The following DLGAP2 variants were observed in gnomAD, a reference collection of about 807,000 sequenced individuals.
The protein encoded by DLGAP2 is disks large-associated protein 2.
A neutral mutation model predicts 100.3 loss-of-function variants in DLGAP2; 26 were observed. The observed-to-expected ratio is 0.26, with a 90% CI of 0.19 to 0.36. The LOEUF (loss-of-function observed/expected upper bound fraction) is 0.36. Among genes scored for constraint, DLGAP2 ranks in the 10% least tolerant of loss-of-function variants. The pLI, the probability that DLGAP2 is intolerant of heterozygous loss-of-function variation, is 1.00. For missense variants in DLGAP2, 1,858 were observed against 1,453.2 expected (o/e 1.28, Z -4.53); for synonymous variants, 886 against 630.1 (o/e 1.41, Z -6.08).
chr8:1,353,972 G>GT (rs1002044487), intron 3 of DLGAP2, among the ~76,000 whole-genome samples: 1 of 152,140 alleles, frequency 6.6e-6, no homozygotes, highest in Non-Finnish European at 1.5e-5. Context: ...GTAAGTGGAC[G>GT]TTTTTTTAAA....
At chr8:890,082 T>C (rs889162358) in intron 1 of DLGAP2, among the ~76,000 whole-genome samples, 1 of 152,162 alleles carries the variant, frequency 6.6e-6, no homozygotes, top group African/African-American at 2.4e-5. Context: ...GCCAGCCTTC[T>C]AGTGAAGTTT....
chr8:841,890 C>G (rs536400253), intron 1 of DLGAP2, among the ~76,000 whole-genome samples: 2 of 152,140 alleles, frequency 1.3e-5, no homozygotes, highest in Non-Finnish European at 1.5e-5. Flanking sequence ...TCCTGATTCT[C>G]GAGAGCACAG....
intron 3 of DLGAP2, among the ~76,000 whole-genome samples, chr8:1,413,052 C>T (rs995665504): frequency 2.0e-5 from 3 of 152,148 alleles, no homozygotes; most frequent in Non-Finnish European, 4.4e-5. Context: ...GTGAAGAGGG[C>T]TTCCTCTTCT....
At chr8:956,237 C>G (rs1364828540) in intron 2 of DLGAP2, among the ~76,000 whole-genome samples, 2 of 152,222 alleles carry the variant, frequency 1.3e-5, no homozygotes, top group African/African-American at 4.8e-5. Flanking sequence ...GGAAACTTTT[C>G]CACTGTGCAC....
chr8:1,129,134 C>T (rs750654157), intron 2 of DLGAP2, among the ~76,000 whole-genome samples: 3 of 152,124 alleles, frequency 2.0e-5, no homozygotes, highest in Non-Finnish European at 4.4e-5. Context: ...GGCCAGGTGC[C>T]GTGGCTCACA....
At chr8:847,843 G>A (rs1371407252) in intron 1 of DLGAP2, among the ~76,000 whole-genome samples, 3 of 152,072 alleles carry the variant, frequency 2.0e-5, no homozygotes, top group Non-Finnish European at 4.4e-5. Context: ...TAATTTCTAT[G>A]AATTTCTGCT....
At chr8:1,458,760 A>G (rs1475562320) in intron 3 of DLGAP2, among the ~76,000 whole-genome samples, 1 of 152,164 alleles carries the variant, frequency 6.6e-6, no homozygotes, top group Admixed American at 6.5e-5. Context: ...GTCGGCTTTG[A>G]GAGAACACAG....
chr8:1,356,828 A>T (rs1327794206), intron 3 of DLGAP2, among the ~76,000 whole-genome samples: 2 of 152,208 alleles, frequency 1.3e-5, no homozygotes, highest in Non-Finnish European at 2.9e-5. Context: ...GTTTGCCACG[A>T]TGTAACACTA....
At chr8:1,698,540 A>ATGGGACAGGTCCACGTAAGCCATGCG (rs1799469538) in intron 14 of DLGAP2, among the ~76,000 whole-genome samples, 5 of 119,364 alleles carry the variant, frequency 4.2e-5, no homozygotes, top group African/African-American at 1.8e-4. Context: ...TAAGCCATGC[A>ATGGGACAGGTCCACGTAAGCCATGCG]TGGGACTAGA....
At chr8:744,641 G>A (rs1238029419) in intron 1 of DLGAP2, among the ~76,000 whole-genome samples, 2 of 147,846 alleles carry the variant, frequency 1.4e-5, no homozygotes, top group Non-Finnish European at 1.5e-5. Flanking sequence ...CCGGGGTGCT[G>A]GCTGTCTGCT....
intron 6 of DLGAP2, among the ~76,000 whole-genome samples, chr8:1,616,834 T>A (rs766611946): frequency 2.0e-5 from 3 of 152,106 alleles, no homozygotes; most frequent in Non-Finnish European, 4.4e-5. Context: ...TATTTCGTCA[T>A]CCAGGTAATA....
intron 2 of DLGAP2, among the ~76,000 whole-genome samples, chr8:1,216,282 T>A (rs2123065): frequency 0.14 from 20,970 of 151,948 alleles, 3,371 homozygotes; most frequent in African/African-American, 0.4. Context: ...GACAGCTCAG[T>A]CAACTTCATA....
At chr8:1,630,876 G>A (rs1797624267) in intron 7 of DLGAP2, among the ~76,000 whole-genome samples, 1 of 151,380 alleles carries the variant, frequency 6.6e-6, no homozygotes, top group Non-Finnish European at 1.5e-5. Context: ...CATGTCCCGA[G>A]GGTCTCGGCG....
At chr8:1,136,351 G>A (rs1796412300) in intron 2 of DLGAP2, among the ~76,000 whole-genome samples, 1 of 152,128 alleles carries the variant, frequency 6.6e-6, no homozygotes, top group Non-Finnish European at 1.5e-5. Flanking sequence ...TAACTCAGAT[G>A]CCCCGCAGCC....
intron 2 of DLGAP2, among the ~76,000 whole-genome samples, chr8:1,166,766 TTAAAA>T (rs1241324113): frequency 1.1e-4 from 16 of 152,280 alleles, no homozygotes; most frequent in African/African-American, 3.6e-4. Flanking sequence ...TATTTGTCAA[TTAAAA>T]TAAAATTTAC....
At chr8:1,652,789 A>G (rs1798197167) in intron 8 of DLGAP2, among the ~76,000 whole-genome samples, 2 of 152,060 alleles carry the variant, frequency 1.3e-5, no homozygotes, top group South Asian at 4.1e-4. Flanking sequence ...CGAGACAGAC[A>G]GTAATGAGAC....
intron 2 of DLGAP2, among the ~76,000 whole-genome samples, chr8:988,872 A>G (rs373071331): frequency 1.3e-5 from 2 of 152,186 alleles, no homozygotes; most frequent in East Asian, 3.9e-4. Flanking sequence ...AGTCACCTGC[A>G]TGAGAGCCCC....
chr8:1,448,693 T>G (rs1412272400), intron 3 of DLGAP2, among the ~76,000 whole-genome samples: 1 of 152,198 alleles, frequency 6.6e-6, no homozygotes, highest in East Asian at 1.9e-4. Context: ...TCTTGAAGAC[T>G]TTGATAGTTC....
At chr8:1,699,254 G>C (rs985280064) in intron 14 of DLGAP2, among the ~76,000 whole-genome samples, 1 of 152,144 alleles carries the variant, frequency 6.6e-6, no homozygotes, top group Non-Finnish European at 1.5e-5. Context: ...GGTGGATCAC[G>C]AGGTCAGGAT....
Sources: allele counts gnomAD v4.1 joint callset (sites outside exome capture counted in the v4.1 genomes callset), GRCh38; gene constraint gnomAD v4.1.1; transcripts MANE v1.5; gene names NCBI Gene and HGNC (gene_info 2026-07-23, HGNC 2026-07-21).